STX1A: variants seen among roughly 807,000 people sequenced by gnomAD.
The protein encoded by STX1A is syntaxin 1A.
STX1A carries 4 observed loss-of-function variants against 37.8 expected under a neutral mutation model. That is an observed-to-expected ratio of 0.11 (90% CI 0.05 to 0.24). The LOEUF (loss-of-function observed/expected upper bound fraction) is 0.24, where lower values mean the gene tolerates loss of function less well. Ranked by LOEUF, STX1A falls within the 10% of genes least tolerant of loss-of-function variation. The probability of loss-of-function intolerance (pLI) is 1.00; values close to 1 mark genes in which losing one functional copy is unlikely to be tolerated. For missense variants in STX1A, 251 were observed against 399.9 expected (o/e 0.63, Z 3.18); for synonymous variants, 135 against 147.4 (o/e 0.92, Z 0.61).
intron 7 of STX1A, 174 bp downstream of exon 7, chr7:73,703,581 T>G: frequency 6.0e-6 from 5 of 827,244 alleles, no homozygotes; most frequent in Non-Finnish European, 1.0e-5. Flanking sequence ...CCTTTGCCGC[T>G]GACATTTATG....
chr7:73,701,943 C>T (rs926134712), intron 8 of STX1A, among the ~76,000 whole-genome samples: 5 of 152,178 alleles, frequency 3.3e-5, no homozygotes, highest in South Asian at 2.1e-4. Flanking sequence ...ACAAAACAAA[C>T]AACCCAAACC....
intron 6 of STX1A, 68 bp downstream of exon 6, chr7:73,704,080 T>G (rs1004320305): frequency 4.0e-6 from 6 of 1,489,114 alleles, no homozygotes; most frequent in African/African-American, 1.4e-5. Flanking sequence ...AGCCACGCAC[T>G]CAGCAGCAGA....
At chr7:73,704,567 T>A in intron 4 of STX1A, 144 bp from the exon 5 acceptor site, 2 of 996,380 alleles carry the variant, frequency 2.0e-6, no homozygotes, top group South Asian at 1.5e-5. Flanking sequence ...CAGGCACCGA[T>A]GGAGGAGGGG....
rs1384422759 is a variant in STX1A, at chr7:73,702,895, G to A, written c.628C>T (p.Arg210Cys). The A allele has an allele frequency of 6.8e-6, 11 of 1,613,838 alleles. No homozygotes were observed. The highest frequency in any genetic ancestry group is 9.3e-6 in the Non-Finnish European group (11 of 1,180,028). Residue 210 changes from arginine (R) to cysteine (C), a missense_variant, in exon 8 of 10, where the codon CGT becomes TGT. Coordinates refer to ENST00000222812, the MANE Select transcript of STX1A (RefSeq NM_004603.4). The surrounding 1 kb of genome is among the most constrained non-coding windows in gnomAD (Gnocchi z 4.7). ...TCCATGAACATGTCGTGTAGCTCAC[G>A]GATGCTGTTCTCCAGCTTGATGATC... ...SEIIKLENSI[R>C]ELHDMFMDMA...
intron 1 of STX1A, among the ~76,000 whole-genome samples, chr7:73,718,092 A>G (rs1554619001): frequency 1.3e-5 from 2 of 152,132 alleles, no homozygotes; most frequent in African/African-American, 2.4e-5. Flanking sequence ...TACACCACAC[A>G]GCCATCCGTC....
Position 73,699,666 on chromosome 7 carries a change from G to A in STX1A, c.*741C>T, listed in dbSNP as rs1194778428. ...CCACCATCCCAAACATGCAACGCTG[G>A]CTTGAGGGACTGACTGCAGCCTGCT... On this transcript the variant is annotated 3_prime_UTR_variant, in exon 10 of 10. Transcript: ENST00000222812. 6.5e-6 allele frequency: 1 copy of A among 152,750 alleles called. No homozygotes were observed. Among genetic ancestry groups the A allele is most frequent in the Non-Finnish European group, 1.5e-5 (1 of 68,274 alleles). 9.5% of individuals were successfully genotyped at this position (152,750 alleles called of 1,614,324 possible).
chr7:73,712,877 C>T (rs1221343538), intron 1 of STX1A, among the ~76,000 whole-genome samples: 2 of 152,214 alleles, frequency 1.3e-5, no homozygotes, highest in Non-Finnish European at 2.9e-5. Context: ...CACTGTGCCT[C>T]TGTCTCCTGT....
At chr7:73,701,915 A>G (rs782170239) in intron 8 of STX1A, among the ~76,000 whole-genome samples, 1 of 152,170 alleles carries the variant, frequency 6.6e-6, no homozygotes, top group Non-Finnish European at 1.5e-5. Context: ...ACACAGCAAG[A>G]TCCCATCTTT....
In STX1A at chr7:73,709,023, G is replaced by C. The variant is rs1798993542; in HGVS notation, c.108+22C>G. The C allele has an allele frequency of 1.9e-6, 3 of 1,613,604 alleles. No homozygotes were observed. The highest frequency in any genetic ancestry group is 2.7e-5 in the African/African-American group (2 of 74,910). On this transcript the variant is annotated intron_variant, in intron 2 of 9. Coordinates refer to ENST00000222812, the MANE Select transcript of STX1A (RefSeq NM_004603.4). The surrounding 1 kb of genome is among the most constrained non-coding windows in gnomAD (Gnocchi z 4.2). ...CCAAGTTCTGCCAGTGTGCGGGAAGGGTGGGGTGTGCTGGCTCCCACCTGC... is the reference window on the plus strand; with the variant it reads ...CCAAGTTCTGCCAGTGTGCGGGAAGCGTGGGGTGTGCTGGCTCCCACCTGC...
At position 73,699,886 on chromosome 7, in the gene STX1A, C is replaced by T. The variant is rs1798581382; in HGVS notation, c.*521G>A. ...AGCCTGGAGCCATGGCAGCCTGAGC[C>T]TCCCTGGCAGTGATCAGCGACTGAG... On this transcript the variant is annotated 3_prime_UTR_variant, in exon 10 of 10. Transcript: ENST00000222812. 6.2e-6 allele frequency: 1 copy of T among 162,346 alleles called. No individual in the cohort carries two copies. The highest frequency in any genetic ancestry group is 2.4e-5 in the African/African-American group (1 of 41,664). The allele number at this position is 162,346 out of a possible 1,614,324, so 10.1% of individuals were successfully genotyped here. A position where few individuals can be genotyped will look rare whatever the true frequency, so the allele number is the denominator to read the frequency against.
chr7:73,703,529 A>G (rs190313634), intron 7 of STX1A: 1 of 703,874 alleles, frequency 1.4e-6, no homozygotes, highest in Admixed American at 2.0e-5. Context: ...GGCGAAAGTG[A>G]GTCCAACTGG....
chr7:73,710,175 C>T (rs1799047000), intron 1 of STX1A, among the ~76,000 whole-genome samples: 1 of 152,268 alleles, frequency 6.6e-6, no homozygotes, highest in Non-Finnish European at 1.5e-5. Context: ...CCCCACTCCA[C>T]TGTCCCAGGA....
rs1460628302 is a variant in STX1A, at chr7:73,719,645, G to A, written c.-14C>T. The A allele has an allele frequency of 5.9e-6, 7 of 1,190,918 alleles. No individual in the cohort carries two copies. Among genetic ancestry groups the A allele is most frequent in the Non-Finnish European group, 7.3e-6 (7 of 957,292 alleles). The allele number at this position is 1,190,918 out of a possible 1,614,324, so 73.8% of individuals were successfully genotyped here. On this transcript the variant is annotated 5_prime_UTR_variant, in exon 1 of 10. Coordinates refer to ENST00000222812, the MANE Select transcript of STX1A (RefSeq NM_004603.4). The stretch of plus-strand genomic sequence containing the variant: ...TCGGTCCTTCATGCTCCCGGGAGTG[G>A]CAGCGGCGCCGGCTGCAGCCGTGTG...
chr7:73,705,244 G>A lies in STX1A; in HGVS notation c.209-20C>T. 3.7e-6 allele frequency: 6 copies of A among 1,610,674 alleles called. No individual in the cohort carries two copies. The highest frequency in any genetic ancestry group is 5.1e-6 in the Non-Finnish European group (6 of 1,177,044). On this transcript the variant is annotated intron_variant, in intron 3 of 9. Coordinates refer to ENST00000222812, the MANE Select transcript of STX1A (RefSeq NM_004603.4). The surrounding 1 kb of genome is among the most constrained non-coding windows in gnomAD (Gnocchi z 5.2). ...TCGTCTCTGGGGAGGTAGAAAGGGT[G>A]GGGGTAGGCCTCCTAGGCTCCGCGG...
chr7:73,715,914 C>T (rs1163610932), intron 1 of STX1A, among the ~76,000 whole-genome samples: 1 of 152,214 alleles, frequency 6.6e-6, no homozygotes, highest in Non-Finnish European at 1.5e-5. Flanking sequence ...ACCCTGTCTC[C>T]AGCCTCCAGC....
chr7:73,707,648 T>C (rs1038728299), intron 3 of STX1A, among the ~76,000 whole-genome samples: 2 of 152,262 alleles, frequency 1.3e-5, no homozygotes, highest in East Asian at 1.9e-4. Flanking sequence ...AAATACCTTC[T>C]TGGGGCTGGG....
In STX1A at chr7:73,706,419, G is replaced by C. The variant is rs1040848502; in HGVS notation, c.209-1195C>G. On this transcript the variant is annotated intron_variant, in intron 3 of 9. Transcript: ENST00000222812. The surrounding 1 kb of genome is among the most constrained non-coding windows in gnomAD (Gnocchi z 4.6). ...GAGGCAGAGCCTGCCTTGCCCGGGAGAGCCCCCCACTCATTGCCATCTTTC... is the reference window on the plus strand; with the variant it reads ...GAGGCAGAGCCTGCCTTGCCCGGGACAGCCCCCCACTCATTGCCATCTTTC... Among the ~76,000 whole-genome samples, 2 of 152,116 alleles carry C rather than the reference G, an allele frequency of 1.3e-5. No homozygotes were observed. Among genetic ancestry groups the C allele is most frequent in the African/African-American group, 4.8e-5 (2 of 41,406 alleles).
At chr7:73,707,504 C>T (rs377217537) in intron 3 of STX1A, among the ~76,000 whole-genome samples, 197 of 152,268 alleles carry the variant, frequency 1.3e-3, no homozygotes, top group African/African-American at 4.5e-3. Context: ...AGGGGAGGGG[C>T]GGGGCTGGAC....
chr7:73,718,481 A>G (rs968133070), intron 1 of STX1A, among the ~76,000 whole-genome samples: 1 of 152,078 alleles, frequency 6.6e-6, no homozygotes, highest in Non-Finnish European at 1.5e-5. Flanking sequence ...AGGGGACCTT[A>G]GGGTTCTAGT....
Sources: allele counts gnomAD v4.1 joint callset (sites outside exome capture counted in the v4.1 genomes callset), GRCh38; gene constraint gnomAD v4.1.1; non-coding constraint Gnocchi (gnomAD v3.1); transcripts MANE v1.5; gene names NCBI Gene and HGNC (gene_info 2026-07-23, HGNC 2026-07-21).